The following WWOX variants were observed in gnomAD, a reference collection of about 807,000 sequenced individuals.
WWOX encodes the protein WW domain containing oxidoreductase, also known as WW domain-containing oxidoreductase.
WWOX carries 69 observed loss-of-function variants against 46.2 expected under a neutral mutation model. The ratio of observed to expected loss-of-function variants is 1.49; its 90% CI spans 1.23 to 1.82. The LOEUF (loss-of-function observed/expected upper bound fraction) is 1.82, where lower values mean the gene tolerates loss of function less well. Ranked by LOEUF, WWOX falls within the 40% of genes most tolerant of loss-of-function variation. WWOX has a pLI of 0.00. For synonymous variants in WWOX, 359 were observed against 202.6 expected (o/e 1.77, Z -6.56); for missense variants, 919 against 542.6 (o/e 1.69, Z -6.89).
intron 5 of WWOX, among the ~76,000 whole-genome samples, chr16:78,321,835 G>A (rs564518370): frequency 8.5e-5 from 13 of 152,242 alleles, no homozygotes; most frequent in Admixed American, 5.2e-4. Context: ...ACGCTTGGAG[G>A]CTGGGGAGAG....
chr16:78,235,393 A>G (rs1444070514), intron 5 of WWOX, among the ~76,000 whole-genome samples: 2 of 152,114 alleles, frequency 1.3e-5, no homozygotes, highest in East Asian at 3.9e-4. Flanking sequence ...CCCTGGTGGC[A>G]GGGAGTGGAG....
At chr16:78,510,097 G>C (rs549052391) in intron 8 of WWOX, among the ~76,000 whole-genome samples, 3 of 103,480 alleles carry the variant, frequency 2.9e-5, no homozygotes, top group African/African-American at 6.6e-5. Context: ...CTGTCTGTCT[G>C]TCTCTCTCGG....
rs574330614 is a variant in WWOX, at chr16:78,857,202, G to C, written c.1057-354406G>C. 2.0e-5 allele frequency among the ~76,000 whole-genome samples: 3 copies of C among 152,164 alleles called. No individual in the cohort carries two copies. In the South Asian group the frequency reaches 6.2e-4, roughly 32 times the overall value. ...AAAGAAAAATGTGAACCTCCTAATA[G>C]AAAAATGGGCAAAGATAATGAACAA... is the stretch of plus-strand genomic sequence containing the variant. On this transcript the variant is annotated intron_variant, in intron 8 of 8. Transcript: ENST00000566780.
chr16:79,152,019 A>G (rs2050289252), intron 8 of WWOX, among the ~76,000 whole-genome samples: 1 of 152,324 alleles, frequency 6.6e-6, no homozygotes, highest in East Asian at 1.9e-4. Context: ...TTGTCACTGT[A>G]TTAAGCAGAA....
intron 8 of WWOX, among the ~76,000 whole-genome samples, chr16:78,905,205 C>T (rs1471470629): frequency 6.6e-6 from 1 of 152,050 alleles, no homozygotes; most frequent in African/African-American, 2.4e-5. Flanking sequence ...GGTTGATGGC[C>T]AATCTCAGGA....
chr16:78,229,878 T>A (rs1466929680), intron 5 of WWOX, among the ~76,000 whole-genome samples: 3 of 152,072 alleles, frequency 2.0e-5, no homozygotes, highest in Non-Finnish European at 4.4e-5. Context: ...TAGTTCAACA[T>A]CTTTCTTTCT....
intron 5 of WWOX, among the ~76,000 whole-genome samples, chr16:78,172,587 TCTC>T (rs949280572): frequency 6.6e-6 from 1 of 150,692 alleles, no homozygotes; most frequent in Non-Finnish European, 1.5e-5. Flanking sequence ...CTTTGTGTCT[TCTC>T]CTTTTTTTTT....
At chr16:79,155,623 T>G (rs1343880800) in intron 8 of WWOX, among the ~76,000 whole-genome samples, 1 of 151,682 alleles carries the variant, frequency 6.6e-6, no homozygotes, top group Non-Finnish European at 1.5e-5. Flanking sequence ...GGGCTTTTAC[T>G]CAATGATACA....
chr16:78,430,142 TACATG>T (rs1329462435), intron 7 of WWOX, among the ~76,000 whole-genome samples: 4 of 152,310 alleles, frequency 2.6e-5, no homozygotes, highest in African/African-American at 4.8e-5. Context: ...AGGGATGTCT[TACATG>T]ACATCAGGCA....
chr16:78,740,039 T>G (rs1003817354), intron 8 of WWOX, among the ~76,000 whole-genome samples: 2 of 152,184 alleles, frequency 1.3e-5, no homozygotes. Context: ...TCACCACATT[T>G]GACCACCTAA....
intron 8 of WWOX, among the ~76,000 whole-genome samples, chr16:79,139,732 G>C (rs1006114434): frequency 6.6e-6 from 1 of 152,106 alleles, no homozygotes; most frequent in African/African-American, 2.4e-5. Context: ...TCACCAGAAT[G>C]ATTTATATGC....
chr16:78,624,743 A>T (rs1054630036), intron 8 of WWOX, among the ~76,000 whole-genome samples: 5 of 152,148 alleles, frequency 3.3e-5, no homozygotes, highest in Non-Finnish European at 7.4e-5. Context: ...ATTCTCCAGC[A>T]CCCTGGCTGG....
Position 78,229,268 on chromosome 16 carries a change from A to AC in WWOX, c.516+64980dup, listed in dbSNP as rs1555506083. ...GTATATACAAGAAATGAAAAAAAAAACAGGAATAAATAAAAAGAATAAAAA... is the reference window on the plus strand; with the variant it reads ...GTATATACAAGAAATGAAAAAAAAAACCAGGAATAAATAAAAAGAATAAAAA... On this transcript the variant is annotated intron_variant, in intron 5 of 8. Transcript: ENST00000566780. Among the ~76,000 whole-genome samples, 5 of 151,100 alleles carry AC rather than the reference A, an allele frequency of 3.3e-5. No homozygotes were observed. The South Asian group carries it at 6.3e-4, about 19-fold the overall frequency.
chr16:78,539,105 A>C (rs2043826418), intron 8 of WWOX, among the ~76,000 whole-genome samples: 1 of 152,212 alleles, frequency 6.6e-6, no homozygotes, highest in African/African-American at 2.4e-5. Flanking sequence ...CAACCCTGAT[A>C]ACTTGTGCCT....
chr16:78,626,865 A>C (rs1488423447), intron 8 of WWOX, among the ~76,000 whole-genome samples: 1 of 152,118 alleles, frequency 6.6e-6, no homozygotes, highest in Non-Finnish European at 1.5e-5. Context: ...ATAATCCTAT[A>C]CTACTTTATT....
At chr16:78,796,806 C>G (rs1228527178) in intron 8 of WWOX, among the ~76,000 whole-genome samples, 1 of 151,410 alleles carries the variant, frequency 6.6e-6, no homozygotes, top group East Asian at 1.9e-4. Context: ...AACCTTTGAT[C>G]CCATGTTTCT....
In WWOX at chr16:78,275,313, C is replaced by T. The variant is rs1290443713; in HGVS notation, c.516+111024C>T. Among the ~76,000 whole-genome samples the T allele has an allele frequency of 2.6e-5, 4 of 152,134 alleles. No homozygotes were observed. In the South Asian group the frequency reaches 6.2e-4, roughly 24 times the overall value. ...CACCTTTGCTCCCACATTTCCCGGG[C>T]GCAGCCCTTGACTCACCCTGTACGG... On this transcript the variant is annotated intron_variant, in intron 5 of 8. Coordinates refer to ENST00000566780, the MANE Select transcript of WWOX (RefSeq NM_016373.4).
At chr16:78,777,757 C>G (rs1597593360) in intron 8 of WWOX, among the ~76,000 whole-genome samples, 1 of 152,122 alleles carries the variant, frequency 6.6e-6, no homozygotes, top group African/African-American at 2.4e-5. Flanking sequence ...CATAGAAACT[C>G]ACATTTCGAC....
chr16:78,465,511 T>A (rs1185453480), intron 8 of WWOX, among the ~76,000 whole-genome samples: 2 of 152,200 alleles, frequency 1.3e-5, no homozygotes, highest in African/African-American at 4.8e-5. Context: ...ACTGTCTGTT[T>A]TATCACATGA....
Sources: gnomAD v4.1 joint callset for allele counts (sites outside exome capture counted in the v4.1 genomes callset) on GRCh38, gnomAD v4.1.1 for gene constraint, MANE v1.5 for transcripts, NCBI Gene and HGNC (gene_info 2026-07-23, HGNC 2026-07-21) for gene names.